Variants in SGCD observed in about 807,000 individuals in gnomAD.
The protein encoded by SGCD is delta-sarcoglycan.
Under a neutral mutation model 36.6 loss-of-function variants are expected in SGCD, and 18 were observed. The observed-to-expected ratio is 0.49, with a 90% confidence interval of 0.34 to 0.73. The LOEUF (loss-of-function observed/expected upper bound fraction) is 0.73, where lower values mean the gene tolerates loss of function less well. SGCD is among the 30% of genes least tolerant of loss of function. SGCD has a pLI of 0.01. For synonymous variants in SGCD, 133 were observed against 130.6 expected, an observed-to-expected ratio of 1.02 and a Z score of -0.12; for missense variants, 387 against 346.7, an observed-to-expected ratio of 1.12 and a Z score of -0.92.
At chr5:156,235,747 G>A (rs1057181564) in intron 3 of SGCD, among the ~76,000 whole-genome samples, 2 of 152,206 alleles carry the variant, frequency 1.3e-5, no homozygotes, top group African/African-American at 4.8e-5. Context: ...AAAGCTGGAT[G>A]TGTGTCAATT....
intron 3 of SGCD, among the ~76,000 whole-genome samples, chr5:156,435,603 C>T (rs1041319856): frequency 1.8e-4 from 28 of 152,144 alleles, no homozygotes; most frequent in African/African-American, 4.6e-4. Context: ...TTTCTGTATC[C>T]GCTCTTGAAT....
intron 4 of SGCD, among the ~76,000 whole-genome samples, chr5:156,547,700 C>T (rs1758637185): frequency 6.6e-6 from 1 of 151,972 alleles, no homozygotes; most frequent in South Asian, 2.1e-4. Flanking sequence ...CCTCGGCCTC[C>T]CAAAGTGCTG....
At chr5:156,718,759 A>G (rs981843260) in intron 7 of SGCD, among the ~76,000 whole-genome samples, 1 of 151,384 alleles carries the variant, frequency 6.6e-6, no homozygotes, top group South Asian at 2.1e-4. Context: ...GCTTGAAGCC[A>G]TGAGTTCAAG....
intron 1 of SGCD, among the ~76,000 whole-genome samples, chr5:155,912,306 CT>C (rs996403598): frequency 6.6e-6 from 1 of 152,092 alleles, no homozygotes; most frequent in African/African-American, 2.4e-5. Flanking sequence ...ACAAGCACTA[CT>C]AGTGTTTGTT....
At chr5:156,143,735 C>A (rs1175392358) in intron 3 of SGCD, among the ~76,000 whole-genome samples, 1 of 151,656 alleles carries the variant, frequency 6.6e-6, no homozygotes, top group Admixed American at 6.6e-5. Context: ...CTTTTTTTTG[C>A]AATTTTTTTT....
chr5:156,297,645 G>A, intron 3 of SGCD, among the ~76,000 whole-genome samples: 1 of 123,488 alleles, frequency 8.1e-6, no homozygotes, highest in Non-Finnish European at 1.7e-5. Context: ...TTGTGGGGTG[G>A]GGGGAGGGGG....
intron 1 of SGCD, among the ~76,000 whole-genome samples, chr5:156,024,628 T>A (rs919136027): frequency 6.6e-6 from 1 of 152,140 alleles, no homozygotes; most frequent in African/African-American, 2.4e-5. Flanking sequence ...GTATATTGAT[T>A]CCTGCAGTGT....
chr5:156,400,248 G>A (rs76533080), intron 3 of SGCD, among the ~76,000 whole-genome samples: 2,067 of 152,260 alleles, frequency 0.014, 22 homozygotes, highest in Non-Finnish European at 0.023. Flanking sequence ...AAGTTCCCAA[G>A]TAATGCTGCT....
chr5:156,601,624 C>T lies in SGCD; in HGVS notation c.502+6573C>T, dbSNP rs575385236. On this transcript the variant is annotated intron_variant, in intron 6 of 8. Transcript: ENST00000337851. ...TGGCTATTTGGAGTCTTCTGTGGTT[C>T]GAGATGAATTTTAGAATTTTTTTCC... Among the ~76,000 whole-genome samples the T allele has an allele frequency of 6.6e-5, 10 of 152,210 alleles. No homozygotes were observed. In the South Asian group the frequency reaches 8.3e-4, roughly 13 times the overall value.
intron 1 of SGCD, among the ~76,000 whole-genome samples, chr5:155,930,336 A>T (rs1757076168): frequency 6.6e-6 from 1 of 152,186 alleles, no homozygotes; most frequent in Non-Finnish European, 1.5e-5. Context: ...GTCTGAGATG[A>T]ATGCATTAAA....
intron 3 of SGCD, among the ~76,000 whole-genome samples, chr5:156,401,775 A>C (rs755972668): frequency 6.6e-6 from 1 of 152,106 alleles, no homozygotes; most frequent in Non-Finnish European, 1.5e-5. Flanking sequence ...AAAAATTTTC[A>C]TAAACTATAC....
At chr5:155,896,886 CT>C (rs903824613) in intron 1 of SGCD, among the ~76,000 whole-genome samples, 1 of 152,098 alleles carries the variant, frequency 6.6e-6, no homozygotes, top group African/African-American at 2.4e-5. Context: ...CATAGATAAT[CT>C]AGAAGAATTT....
At position 156,040,412 on chromosome 5, in the gene SGCD, C is replaced by T. The variant is rs1163073911; in HGVS notation, c.-281-77466C>T. Among the ~76,000 whole-genome samples, 5 of 152,174 alleles carry T rather than the reference C, an allele frequency of 3.3e-5. 1 individual carries two copies. In the South Asian group the frequency reaches 8.3e-4, roughly 25 times the overall value. On this transcript the variant is annotated intron_variant, in intron 1 of 9. Coordinates refer to the SGCD transcript ENST00000517913. ...CAAATTGTGTAAGCTTCTAGCCCCA[C>T]AAAATGTGGATCTGTCCCTGATTAT...
rs192414566 is a variant in SGCD, at chr5:156,683,955, C to T, written c.575+36419C>T. Among the ~76,000 whole-genome samples, 101 of 152,254 alleles carry T rather than the reference C, an allele frequency of 6.6e-4. 1 individual carries two copies. The highest frequency in any genetic ancestry group is 2.2e-3 in the Admixed American group (33 of 15,302). The stretch of plus-strand genomic sequence containing the variant: ...TCCACAAAAAGTTGAGACCAAACTA[C>T]AAAAATGACAGCCCAACAAATTTTA... On this transcript the variant is annotated intron_variant, in intron 7 of 8. Coordinates refer to ENST00000337851, the MANE Select transcript of SGCD (RefSeq NM_000337.6).
chr5:156,362,276 C>T (rs1374044876), intron 3 of SGCD, among the ~76,000 whole-genome samples: 1 of 152,230 alleles, frequency 6.6e-6, no homozygotes, highest in African/African-American at 2.4e-5. Flanking sequence ...GGTTCAAAAT[C>T]TCTGCCTTCT....
At chr5:156,171,337 A>G (rs6556456) in intron 3 of SGCD, among the ~76,000 whole-genome samples, 50,988 of 152,050 alleles carry the variant, frequency 0.34, 9,313 homozygotes, top group East Asian at 0.59. Context: ...CATTAGTCCT[A>G]CTTGGATATA....
chr5:155,751,386 G>A, the SGCD span, among the ~76,000 whole-genome samples: 1 of 152,084 alleles, frequency 6.6e-6, no homozygotes, highest in Non-Finnish European at 1.5e-5. Flanking sequence ...TGCGTTTGTG[G>A]CATAGATTTT....
chr5:156,130,833 T>C (rs1340638944), intron 3 of SGCD, among the ~76,000 whole-genome samples: 2 of 152,148 alleles, frequency 1.3e-5, no homozygotes, highest in African/African-American at 4.8e-5. Context: ...TTCAAGTGAT[T>C]CTCCTGCCTC....
intron 6 of SGCD, among the ~76,000 whole-genome samples, chr5:156,630,532 A>G (rs758810236): frequency 1.6e-4 from 25 of 152,182 alleles, no homozygotes; most frequent in Non-Finnish European, 3.1e-4. Flanking sequence ...ACAATAACCT[A>G]TGAGGTAGAT....
Sources: gnomAD v4.1 joint callset for allele counts (sites outside exome capture counted in the v4.1 genomes callset) on GRCh38, gnomAD v4.1.1 for gene constraint, MANE v1.5 for transcripts, NCBI Gene and HGNC (gene_info 2026-07-23, HGNC 2026-07-21) for gene names.